The following SEMA3D variants were observed in gnomAD, a reference collection of about 807,000 sequenced individuals.
SEMA3D encodes the protein semaphorin-3D.
In SEMA3D, 84 loss-of-function variants were observed where a neutral mutation model predicts 100.1. The observed-to-expected ratio is 0.84, with a 90% CI of 0.70 to 1.01. The LOEUF is 1.01. SEMA3D is among the 50% of genes least tolerant of loss of function. The pLI, the probability that SEMA3D is intolerant of heterozygous loss-of-function variation, is 0.00. For synonymous variants in SEMA3D, 312 were observed against 320.7 expected, an observed-to-expected ratio of 0.97 and a Z score of 0.29; for missense variants, 875 against 934.1, an observed-to-expected ratio of 0.94 and a Z score of 0.82.
At position 84,998,766 on chromosome 7, in the gene SEMA3D, A is replaced by G. The variant is rs1037304566; in HGVS notation, c.*674T>C. ...TCTAAAAAACACATAACTAAGCACCAACTTCTCTCTGTGAACCTGTTACTC... is the reference window on the plus strand; with the variant it reads ...TCTAAAAAACACATAACTAAGCACCGACTTCTCTCTGTGAACCTGTTACTC... On this transcript the variant is annotated 3_prime_UTR_variant, in exon 19 of 19. Coordinates refer to ENST00000284136, the MANE Select transcript of SEMA3D (RefSeq NM_001384900.1). 1 of 152,378 alleles carries G rather than the reference A, an allele frequency of 6.6e-6. No individual in the cohort carries two copies. The highest frequency in any genetic ancestry group is 1.5e-5 in the Non-Finnish European group (1 of 68,202). 9.4% of individuals were successfully genotyped at this position (152,378 alleles called of 1,614,324 possible).
chr7:85,086,403 C>T (rs1012832650), intron 4 of SEMA3D, among the ~76,000 whole-genome samples: 1 of 151,498 alleles, frequency 6.6e-6, no homozygotes, highest in Non-Finnish European at 1.5e-5. Context: ...TCCCTTAATT[C>T]AATCTAAAAA....
intron 3 of SEMA3D, among the ~76,000 whole-genome samples, chr7:85,116,980 T>C (rs1222677542): frequency 6.6e-6 from 1 of 152,172 alleles, no homozygotes. Flanking sequence ...TCCTTACATA[T>C]GTGACTTCAA....
chr7:85,212,757 T>C, the SEMA3D span, among the ~76,000 whole-genome samples: 4 of 152,114 alleles, frequency 2.6e-5, no homozygotes, highest in African/African-American at 7.2e-5. Context: ...TTTATAGATT[T>C]ATATTAGTGT....
intron 7 of SEMA3D, among the ~76,000 whole-genome samples, chr7:85,067,929 A>G (rs1791671156): frequency 6.6e-6 from 1 of 152,156 alleles, no homozygotes; most frequent in Admixed American, 6.5e-5. Flanking sequence ...AAAACAAGTA[A>G]TTATCTGTTC....
At chr7:85,074,319 C>T (rs75248438) in intron 5 of SEMA3D, among the ~76,000 whole-genome samples, 3,989 of 152,016 alleles carry the variant, frequency 0.026, 162 homozygotes, top group African/African-American at 0.09. Context: ...TGTTGGGGTT[C>T]CTAGGAGGAA....
chr7:85,225,500 G>A, the SEMA3D span, among the ~76,000 whole-genome samples: 1 of 151,814 alleles, frequency 6.6e-6, no homozygotes, highest in Non-Finnish European at 1.5e-5. Flanking sequence ...GGTGTGTGGG[G>A]CATCAGTATA....
intron 12 of SEMA3D, chr7:85,028,268 C>G: frequency 1.4e-6 from 1 of 700,328 alleles, no homozygotes; most frequent in East Asian, 2.6e-5. Context: ...ACAGTGCCAG[C>G]TTACTTGAAT....
intron 12 of SEMA3D, among the ~76,000 whole-genome samples, chr7:85,023,747 C>G (rs1790318013): frequency 6.6e-6 from 1 of 151,848 alleles, no homozygotes; most frequent in Non-Finnish European, 1.5e-5. Flanking sequence ...GATACTAGAA[C>G]TAGTCCCAAT....
chr7:85,179,562 G>A (rs1791335969), intron 1 of SEMA3D, among the ~76,000 whole-genome samples: 1 of 151,990 alleles, frequency 6.6e-6, no homozygotes, highest in Non-Finnish European at 1.5e-5. Context: ...CCCAATGCCT[G>A]TACCCCAATT....
chr7:85,094,805 C>T (rs1444245803), intron 4 of SEMA3D, among the ~76,000 whole-genome samples: 1 of 151,886 alleles, frequency 6.6e-6, no homozygotes, highest in African/African-American at 2.4e-5. Context: ...CGAAGAGAGG[C>T]CTTACGGACC....
intron 1 of SEMA3D, among the ~76,000 whole-genome samples, chr7:85,178,163 T>C (rs114365554): frequency 1.8e-3 from 277 of 152,310 alleles, no homozygotes; most frequent in African/African-American, 6.5e-3. Context: ...TTAAACCTCT[T>C]TCCTTAGAAA....
rs1319994978 is a variant in SEMA3D, at chr7:85,157,651, C to A, written c.-172-3912G>T. 5.1e-6 allele frequency: 5 copies of A among 983,214 alleles called. No individual in the cohort carries two copies. In the African/African-American group the frequency reaches 8.7e-5, roughly 17 times the overall value. The allele number at this position is 983,214 out of a possible 1,614,324, so 60.9% of individuals were successfully genotyped here. A position where few individuals can be genotyped will look rare whatever the true frequency, so the allele number is the denominator to read the frequency against. On this transcript the variant is annotated intron_variant, in intron 1 of 18. Transcript: ENST00000284136. ...GCATCAGTTTATGCCGTACATACATCAACATTGTTTGGGGAGAACAAAGCA... is the reference window on the plus strand; with the variant it reads ...GCATCAGTTTATGCCGTACATACATAAACATTGTTTGGGGAGAACAAAGCA...
intron 18 of SEMA3D, among the ~76,000 whole-genome samples, chr7:85,005,057 A>G (rs1306972414): frequency 6.6e-6 from 1 of 151,938 alleles, no homozygotes; most frequent in African/African-American, 2.4e-5. Context: ...GCTGAACTCA[A>G]GCAGAGGACC....
At chr7:85,221,337 TC>T in the SEMA3D span, among the ~76,000 whole-genome samples, 1 of 152,078 alleles carries the variant, frequency 6.6e-6, no homozygotes, top group Admixed American at 6.6e-5. Context: ...AGAAACTGCA[TC>T]TTTTTAAAGG....
intron 2 of SEMA3D, chr7:85,142,766 A>T: frequency 1.0e-6 from 1 of 984,048 alleles, no homozygotes; most frequent in Non-Finnish European, 1.2e-6. Context: ...AAAGATTCCC[A>T]GACTAACCAC....
chr7:85,203,228 G>A, the SEMA3D span, among the ~76,000 whole-genome samples: 12 of 152,168 alleles, frequency 7.9e-5, no homozygotes, highest in Non-Finnish European at 1.5e-4. Context: ...TAGTCAGCAA[G>A]TTAGCATCTT....
intron 2 of SEMA3D, among the ~76,000 whole-genome samples, chr7:85,145,495 C>T (rs1405752155): frequency 1.3e-5 from 2 of 151,890 alleles, no homozygotes; most frequent in African/African-American, 2.4e-5. Flanking sequence ...ATTCTAAAAG[C>T]TATGTTGCTG....
the SEMA3D span, among the ~76,000 whole-genome samples, chr7:85,205,762 T>A: frequency 2.7e-4 from 41 of 152,204 alleles, no homozygotes; most frequent in African/African-American, 9.9e-4. Context: ...ATATGCATTA[T>A]CCATGTAGGT....
At chr7:85,137,324 G>A (rs887965539) in intron 2 of SEMA3D, among the ~76,000 whole-genome samples, 11 of 151,064 alleles carry the variant, frequency 7.3e-5, no homozygotes, top group Non-Finnish European at 1.3e-4. Flanking sequence ...ATATACATAG[G>A]GTATATACAG....
Sources: gnomAD v4.1 joint callset for allele counts (sites outside exome capture counted in the v4.1 genomes callset) on GRCh38, gnomAD v4.1.1 for gene constraint, MANE v1.5 for transcripts, NCBI Gene and HGNC (gene_info 2026-07-23, HGNC 2026-07-21) for gene names.